PCNX1: variants seen among roughly 807,000 people sequenced by gnomAD.
The protein encoded by PCNX1 is pecanex-like protein 1.
PCNX1 carries 78 observed loss-of-function variants against 242.2 expected under a neutral mutation model. That is an observed-to-expected ratio of 0.32 (90% confidence interval 0.27 to 0.39). PCNX1 has a LOEUF of 0.39. Ranked by LOEUF, PCNX1 falls within the 10% of genes least tolerant of loss-of-function variation. The pLI is 1.00. For synonymous variants in PCNX1, 1,024 were observed against 1,032.9 expected, an observed-to-expected ratio of 0.99 and a Z score of 0.17; for missense variants, 2,581 against 2,856.5, an observed-to-expected ratio of 0.90 and a Z score of 2.20.
chr14:70,980,847 C>A (rs1048160480), intron 6 of PCNX1, among the ~76,000 whole-genome samples: 1 of 152,056 alleles, frequency 6.6e-6, no homozygotes, highest in Non-Finnish European at 1.5e-5. Flanking sequence ...TACTGCTTGG[C>A]CATTCATATA....
intron 26 of PCNX1, among the ~76,000 whole-genome samples, chr14:71,065,704 A>G (rs996514480): frequency 9.9e-5 from 15 of 152,096 alleles, no homozygotes; most frequent in African/African-American, 3.6e-4. Context: ...TATGTCCTGA[A>G]TGGTATTGTC....
intron 25 of PCNX1, 68 bp downstream of exon 25, chr14:71,055,630 C>A: frequency 1.1e-6 from 1 of 898,240 alleles, no homozygotes; most frequent in Non-Finnish European, 1.8e-6. Context: ...TGTTTATATT[C>A]ACTCCTAACT....
chr14:71,068,636 A>G lies in PCNX1; in HGVS notation c.4853-4909A>G, dbSNP rs182473485. ...TGTGTGTGTGTGTATAAAAATATATATACATATATTGTTGCATGTATAGTC... is the reference window on the plus strand; with the variant it reads ...TGTGTGTGTGTGTATAAAAATATATGTACATATATTGTTGCATGTATAGTC... On this transcript the variant is annotated intron_variant, in intron 26 of 35. Coordinates refer to ENST00000304743, the MANE Select transcript of PCNX1 (RefSeq NM_014982.3). Among the ~76,000 whole-genome samples the G allele has an allele frequency of 3.2e-4, 44 of 139,496 alleles. 4 individuals are homozygous for G. The highest frequency in any genetic ancestry group is 9.1e-4 in the African/African-American group (32 of 35,098). 91.5% of individuals were successfully genotyped at this position (139,496 alleles called of 152,430 possible).
chr14:71,033,519 A>G lies in PCNX1; in HGVS notation c.3649A>G (p.Ser1217Gly), dbSNP rs1446495830. The change falls in exon 17 of 36, where the codon AGT (serine) becomes GGT (glycine). Residue 1217 changes from serine to glycine, a missense_variant. Physicochemically the swap from Ser to Gly is moderately conservative, Grantham distance 56. Transcript: ENST00000304743. Reference sequence around the variant, plus strand: ...GTCTTACCATCTCAGCCGACAAAGCAGTGATCCATCTGTACTTTTGTAAGT... The same window carrying G: ...GTCTTACCATCTCAGCCGACAAAGCGGTGATCCATCTGTACTTTTGTAAGT... ...AVSYHLSRQS[S>G]DPSVLFSLVQ... The G allele has an allele frequency of 1.3e-6, 2 of 1,581,544 alleles. No individual in the cohort carries two copies. Among genetic ancestry groups the G allele is most frequent in the Non-Finnish European group, 1.7e-6 (2 of 1,151,004 alleles).
At chr14:70,970,199 A>G (rs1301171318) in intron 5 of PCNX1, among the ~76,000 whole-genome samples, 1 of 151,932 alleles carries the variant, frequency 6.6e-6, no homozygotes, top group Non-Finnish European at 1.5e-5. Context: ...TGTCTCTACA[A>G]AAAGTAATAA....
intron 26 of PCNX1, among the ~76,000 whole-genome samples, chr14:71,059,583 G>C (rs2061272567): frequency 6.6e-6 from 1 of 151,826 alleles, no homozygotes; most frequent in African/African-American, 2.4e-5. Context: ...GTATAGATAG[G>C]AGTCTCACCA....
chr14:71,015,817 G>A (rs1007487384), intron 11 of PCNX1, among the ~76,000 whole-genome samples: 1 of 152,042 alleles, frequency 6.6e-6, no homozygotes, highest in African/African-American at 2.4e-5. Flanking sequence ...AGATGATAGA[G>A]TCAGAAAAAG....
chr14:70,972,980 G>C (rs1317637813), intron 5 of PCNX1, among the ~76,000 whole-genome samples: 1 of 152,092 alleles, frequency 6.6e-6, no homozygotes, highest in African/African-American at 2.4e-5. Flanking sequence ...AGCTGGGTGC[G>C]GTGACTTACC....
intron 8 of PCNX1, among the ~76,000 whole-genome samples, chr14:71,009,141 T>C (rs997926479): frequency 3.9e-5 from 6 of 152,198 alleles, no homozygotes; most frequent in Admixed American, 1.3e-4. Flanking sequence ...CCAACAATAC[T>C]AGCTCTTTCC....
intron 8 of PCNX1, among the ~76,000 whole-genome samples, chr14:70,998,081 G>C (rs1164510430): frequency 6.6e-6 from 1 of 151,932 alleles, no homozygotes; most frequent in African/African-American, 2.4e-5. Context: ...ATACATGTTT[G>C]AGTGCATATG....
intron 25 of PCNX1, 39 bp from the exon 26 acceptor site, chr14:71,057,470 A>T: frequency 1.5e-6 from 2 of 1,311,022 alleles, no homozygotes; most frequent in Non-Finnish European, 1.1e-6. Flanking sequence ...AAGAGGACTT[A>T]AGGTTAAATT....
intron 28 of PCNX1, among the ~76,000 whole-genome samples, chr14:71,084,315 G>A (rs2061930069): frequency 6.6e-6 from 1 of 152,214 alleles, no homozygotes; most frequent in Admixed American, 6.5e-5. Flanking sequence ...TCCCAGTCAG[G>A]ATGCACAGGG....
intron 1 of PCNX1, among the ~76,000 whole-genome samples, chr14:70,913,892 C>T (rs1337621044): frequency 1.3e-5 from 2 of 152,130 alleles, no homozygotes; most frequent in Non-Finnish European, 2.9e-5. Flanking sequence ...TTATTTTCTG[C>T]ATCCTTTAGG....
At chr14:70,934,140 T>C (rs2056908897) in intron 1 of PCNX1, among the ~76,000 whole-genome samples, 1 of 152,284 alleles carries the variant, frequency 6.6e-6, no homozygotes, top group South Asian at 2.1e-4. Flanking sequence ...ACTGTAATAA[T>C]TCTGGTATGA....
intron 1 of PCNX1, among the ~76,000 whole-genome samples, chr14:70,914,451 G>A (rs2056066836): frequency 6.6e-6 from 1 of 152,144 alleles, no homozygotes. Context: ...ACGTAAAGGT[G>A]GAGTGTTTTC....
At chr14:71,051,825 G>C in intron 23 of PCNX1, 58 bp from the exon 24 acceptor site, 2 of 1,563,180 alleles carry the variant, frequency 1.3e-6, no homozygotes, top group Non-Finnish European at 1.7e-6. Flanking sequence ...TTTTGCGAGG[G>C]TTTGTTTGGC....
At chr14:70,910,678 CCTAA>C (rs2055862637) in intron 1 of PCNX1, among the ~76,000 whole-genome samples, 1 of 152,126 alleles carries the variant, frequency 6.6e-6, no homozygotes, top group African/African-American at 2.4e-5. Context: ...GGTATTTATT[CCTAA>C]CTGATATCTA....
chr14:71,106,437 A>G (rs1199008973), intron 33 of PCNX1, among the ~76,000 whole-genome samples: 1 of 152,208 alleles, frequency 6.6e-6, no homozygotes, highest in Non-Finnish European at 1.5e-5. Flanking sequence ...ATAAGTCTTT[A>G]TAATCATTTA....
intron 1 of PCNX1, among the ~76,000 whole-genome samples, chr14:70,935,287 C>T (rs1369915550): frequency 6.6e-6 from 1 of 152,174 alleles, no homozygotes; most frequent in Non-Finnish European, 1.5e-5. Flanking sequence ...TGTCTCATGC[C>T]TGTAATCCGA....
Sources: gnomAD v4.1 joint callset for allele counts (sites outside exome capture counted in the v4.1 genomes callset) on GRCh38, gnomAD v4.1.1 for gene constraint, MANE v1.5 for transcripts, NCBI Gene and HGNC (gene_info 2026-07-23, HGNC 2026-07-21) for gene names.